Variants in LRP8 observed in about 807,000 individuals in gnomAD.
LRP8 encodes low-density lipoprotein receptor-related protein 8.
A neutral mutation model predicts 111.6 loss-of-function variants in LRP8; 46 were observed. The ratio of observed to expected loss-of-function variants is 0.41; its 90% confidence interval spans 0.33 to 0.53. The LOEUF is 0.53. LRP8 is among the 20% of genes least tolerant of loss of function. The pLI, the probability that LRP8 is intolerant of heterozygous loss-of-function variation, is 0.20. For missense variants in LRP8, 959 were observed against 1,297.4 expected (o/e 0.74, Z 4.01); for synonymous variants, 464 against 511.2 (o/e 0.91, Z 1.24).
intron 2 of LRP8, among the ~76,000 whole-genome samples, chr1:53,301,814 G>A (rs1162702856): frequency 1.3e-5 from 2 of 152,162 alleles, no homozygotes; most frequent in African/African-American, 2.4e-5. Flanking sequence ...CCCGAATGCT[G>A]TGCAAGCAAA....
intron 2 of LRP8, among the ~76,000 whole-genome samples, chr1:53,298,781 C>T (rs76502121): frequency 0.019 from 2,891 of 152,320 alleles, 83 homozygotes; most frequent in African/African-American, 0.067. Context: ...CACAGCTCCG[C>T]CTCCCTTGGG....
In LRP8 at chr1:53,295,357, G is replaced by A. The variant is rs977223616; in HGVS notation, c.245-5668C>T. Among the ~76,000 whole-genome samples, 3 of 152,188 alleles carry A rather than the reference G, an allele frequency of 2.0e-5. No homozygotes were observed. In the East Asian group the frequency reaches 5.8e-4, roughly 29 times the overall value. Reference sequence around the variant, plus strand: ...CAAGGCAAGTGGCAAGGGACCTGGAGCTCCACCAGGCCAGGGAACAATTGA... The same window carrying A: ...CAAGGCAAGTGGCAAGGGACCTGGAACTCCACCAGGCCAGGGAACAATTGA... On this transcript the variant is annotated intron_variant, in intron 2 of 18. Coordinates refer to ENST00000306052, the MANE Select transcript of LRP8 (RefSeq NM_004631.5).
chr1:53,309,771 A>C (rs953752998), intron 2 of LRP8, among the ~76,000 whole-genome samples: 9 of 152,086 alleles, frequency 5.9e-5, no homozygotes, highest in Non-Finnish European at 1.3e-4. Flanking sequence ...CTCAGGATGG[A>C]TTCCACCTCC....
rs530899367 is a variant in LRP8, at chr1:53,276,804, G to A, written c.771C>T (p.Ala257=). 5.5e-4 allele frequency: 728 copies of A among 1,316,280 alleles called. 2 individuals carry two copies. The African/African-American group carries it at 0.011, about 19-fold the overall frequency. 81.5% of individuals were successfully genotyped at this position (1,316,280 alleles called of 1,614,324 possible). Residue 257 remains alanine, a synonymous_variant, in exon 5 of 19, where the codon GCC becomes GCT. Coordinates refer to ENST00000306052, the MANE Select transcript of LRP8 (RefSeq NM_004631.5). ...CGAACTGGGAGGCGGTGGCGCAGGC[G>A]GCGGGCGCGGACGTGGCCCCGGGGC... ...RPGPGATSAP[A]ACATASQFAC...
intron 10 of LRP8, 115 bp downstream of exon 10, chr1:53,264,054 G>A: frequency 1.0e-6 from 1 of 976,778 alleles, no homozygotes; most frequent in South Asian, 1.5e-5. Flanking sequence ...CTTCCCCATG[G>A]CCTGTGTCTG....
chr1:53,292,254 T>A (rs2100469837), intron 2 of LRP8: 1 of 152,330 alleles, frequency 6.6e-6, no homozygotes, highest in South Asian at 2.1e-4. Context: ...TGAGTTTTCT[T>A]CACACTTTGC....
At position 53,294,168 on chromosome 1, in the gene LRP8, C is replaced by A. The variant is rs1649271150; in HGVS notation, c.245-4479G>T. ...TCCAGGGATTTATGTCCCCCCATGC[C>A]AGTCTGCCCCTTGGACAATGCCCAC... On this transcript the variant is annotated intron_variant, in intron 2 of 18. Transcript: ENST00000306052. The surrounding 1 kb of genome is among the most constrained non-coding windows in gnomAD (Gnocchi z 4.1). Among the ~76,000 whole-genome samples the A allele has an allele frequency of 6.6e-6, 1 of 152,212 alleles. No homozygotes were observed. The highest frequency in any genetic ancestry group is 1.5e-5 in the Non-Finnish European group (1 of 68,036).
At chr1:53,306,894 T>C (rs1326867375) in intron 2 of LRP8, among the ~76,000 whole-genome samples, 1 of 152,188 alleles carries the variant, frequency 6.6e-6, no homozygotes, top group Non-Finnish European at 1.5e-5. Flanking sequence ...GCCCTTTGTA[T>C]ATGTCTCCTC....
At chr1:53,323,703 C>T (rs1462427800) in intron 2 of LRP8, among the ~76,000 whole-genome samples, 3 of 152,260 alleles carry the variant, frequency 2.0e-5, no homozygotes, top group Non-Finnish European at 2.9e-5. Flanking sequence ...GTCCCAGCCA[C>T]TGTGGATGAG....
In LRP8 at chr1:53,250,956, C is replaced by T; in HGVS notation, c.2504-94G>A. On this transcript the variant is annotated intron_variant, in intron 16 of 18. Coordinates refer to ENST00000306052, the MANE Select transcript of LRP8 (RefSeq NM_004631.5). This position sits in a 1 kb window ranked among gnomAD's most constrained non-coding sequence, Gnocchi z 4.6. ...GCTTGTCACCACTCCACTTTTACTA[C>T]CCTTTGCTCCTCAGGCTCTGTTTCT... 9.9e-7 allele frequency: 1 copy of T among 1,010,172 alleles called. No individual in the cohort carries two copies. The highest frequency in any genetic ancestry group is 1.9e-5 in the Admixed American group (1 of 53,064). 62.6% of individuals were successfully genotyped at this position (1,010,172 alleles called of 1,614,324 possible). A position where few individuals can be genotyped will look rare whatever the true frequency, so the allele number is the denominator to read the frequency against.
chr1:53,256,638 A>G (rs1646098861), intron 15 of LRP8, among the ~76,000 whole-genome samples: 1 of 152,246 alleles, frequency 6.6e-6, no homozygotes. Flanking sequence ...AGGTAACTCA[A>G]TTAAAAAGGT....
intron 18 of LRP8, among the ~76,000 whole-genome samples, chr1:53,248,873 G>C (rs1645806898): frequency 6.6e-6 from 1 of 152,198 alleles, no homozygotes; most frequent in Non-Finnish European, 1.5e-5. Context: ...TATCTCACTT[G>C]TACTTTATAA....
rs56722919 is a variant in LRP8, at chr1:53,242,858, T to TATATATATATACAC, written c.*4159_*4160insGTGTATATATATAT. The TATATATATATACAC allele has an allele frequency of 9.3e-4, 131 of 140,608 alleles. 3 individuals are homozygous for TATATATATATACAC. Among genetic ancestry groups the TATATATATATACAC allele is most frequent in the East Asian group, 2.4e-3 (12 of 4,906 alleles). The allele number at this position is 140,608 out of a possible 1,614,324, so 8.7% of individuals were successfully genotyped here. ...TTAAATATATATATATATATATATA[T>TATATATATATACAC]ACACACACACACACGTGGCTTTTTA... On this transcript the variant is annotated 3_prime_UTR_variant, in exon 19 of 19. Transcript: ENST00000306052.
intron 14 of LRP8, among the ~76,000 whole-genome samples, chr1:53,257,726 G>A (rs539664334): frequency 6.6e-6 from 1 of 152,266 alleles, no homozygotes; most frequent in Admixed American, 6.5e-5. Flanking sequence ...TGTAGGGAGG[G>A]GAAATCAGAT....
chr1:53,327,125 C>A lies in LRP8; in HGVS notation c.125-133G>T, dbSNP rs964208910. 10 of 1,245,724 alleles carry A rather than the reference C, an allele frequency of 8.0e-6. No individual in the cohort carries two copies. In the African/African-American group the frequency reaches 1.4e-4, roughly 17 times the overall value. The allele number at this position is 1,245,724 out of a possible 1,614,324, so 77.2% of individuals were successfully genotyped here. Reference sequence around the variant, plus strand: ...TTATGGAGACCCCGGGGGCTTCAGGCACACTCCATCCAAAGGGAGGGCACG... The same window carrying A: ...TTATGGAGACCCCGGGGGCTTCAGGAACACTCCATCCAAAGGGAGGGCACG... On this transcript the variant is annotated intron_variant, in intron 1 of 18. Coordinates refer to ENST00000306052, the MANE Select transcript of LRP8 (RefSeq NM_004631.5).
At chr1:53,326,611 T>G (rs1655161078) in intron 2 of LRP8, among the ~76,000 whole-genome samples, 1 of 151,964 alleles carries the variant, frequency 6.6e-6, no homozygotes, top group Non-Finnish European at 1.5e-5. Flanking sequence ...CCCAGCATGG[T>G]GCGCCTTCCT....
intron 2 of LRP8, among the ~76,000 whole-genome samples, chr1:53,297,727 A>C (rs1297076229): frequency 2.0e-5 from 3 of 152,082 alleles, no homozygotes; most frequent in African/African-American, 7.2e-5. Context: ...TTTCCCTCAA[A>C]ATTTTCTGGG....
chr1:53,318,224 G>A (rs1654057288), intron 2 of LRP8, among the ~76,000 whole-genome samples: 1 of 151,880 alleles, frequency 6.6e-6, no homozygotes, highest in African/African-American at 2.4e-5. Flanking sequence ...TGAAGGAACA[G>A]TTTTGTACTC....
Position 53,293,339 on chromosome 1 carries a change from G to C in LRP8, c.245-3650C>G, listed in dbSNP as rs965822853. Among the ~76,000 whole-genome samples, 1 of 152,190 alleles carries C rather than the reference G, an allele frequency of 6.6e-6. No homozygotes were observed. The highest frequency in any genetic ancestry group is 6.5e-5 in the Admixed American group (1 of 15,276). ...GAGTGGTGTTTTTGGCAACAGATTC[G>C]GTGGTGTTTTTGGGAACAGATTTGT... On this transcript the variant is annotated intron_variant, in intron 2 of 18. Transcript: ENST00000306052. This position sits in a 1 kb window ranked among gnomAD's most constrained non-coding sequence, Gnocchi z 4.9.
Sources: allele counts gnomAD v4.1 joint callset (sites outside exome capture counted in the v4.1 genomes callset), GRCh38; gene constraint gnomAD v4.1.1; non-coding constraint Gnocchi (gnomAD v3.1); transcripts MANE v1.5; gene names NCBI Gene and HGNC (gene_info 2026-07-23, HGNC 2026-07-21).